The following PHC2 variants were observed in gnomAD, a reference collection of about 807,000 sequenced individuals.
PHC2 encodes polyhomeotic-like protein 2.
PHC2 carries 29 observed loss-of-function variants against 87.4 expected under a neutral mutation model. The ratio of observed to expected loss-of-function variants is 0.33; its 90% CI spans 0.25 to 0.45. PHC2 has a LOEUF of 0.45. Among genes scored for constraint, PHC2 ranks in the 20% least tolerant of loss-of-function variants. PHC2 has a pLI of 1.00. For synonymous variants in PHC2, 438 were observed against 461.7 expected (o/e 0.95, Z 0.66); for missense variants, 857 against 1,136.7 (o/e 0.75, Z 3.54).
At chr1:33,405,161 C>A (rs943493233) in intron 1 of PHC2, among the ~76,000 whole-genome samples, 2 of 151,316 alleles carry the variant, frequency 1.3e-5, no homozygotes, top group Non-Finnish European at 2.9e-5. Context: ...TCTCCTCAAT[C>A]AGTCTTTATA....
At chr1:33,357,435 T>C (rs1440280660) in intron 7 of PHC2, among the ~76,000 whole-genome samples, 1 of 152,134 alleles carries the variant, frequency 6.6e-6, no homozygotes. Flanking sequence ...AGAAATAAGA[T>C]GTGTTACAAA....
intron 9 of PHC2, among the ~76,000 whole-genome samples, chr1:33,339,039 G>C (rs1472906538): frequency 1.3e-5 from 2 of 152,144 alleles, no homozygotes; most frequent in Non-Finnish European, 2.9e-5. Flanking sequence ...ACAGGCTCTG[G>C]TACAAACAGC....
At chr1:33,420,298 C>G (rs1487219860) in intron 1 of PHC2, among the ~76,000 whole-genome samples, 1 of 152,178 alleles carries the variant, frequency 6.6e-6, no homozygotes, top group East Asian at 1.9e-4. Flanking sequence ...AAACTCAAAT[C>G]TATACAATTA....
rs546978523 is a variant in PHC2 at position 33,330,222 on chromosome 1, CAG to C, written c.2007-12_2007-11del. On this transcript the variant is annotated splice_polypyrimidine_tract_variant and intron_variant, in intron 12 of 14. Coordinates refer to ENST00000683057, the MANE Select transcript of PHC2 (RefSeq NM_001385109.1). ...GCATCCCACGTTGTACCTTCAGGGA[CAG>C]GGGAACAGGGGATGTCACAGTAGTC... 22 of 1,613,538 alleles carry C rather than the reference CAG, an allele frequency of 1.4e-5. No homozygotes were observed. The Admixed American group carries it at 1.8e-4, about 13-fold the overall frequency.
rs960152497 is a variant in PHC2 at position 33,368,347 on chromosome 1, A to C, written c.663+189T>G. Among the ~76,000 whole-genome samples, 3 of 152,212 alleles carry C rather than the reference A, an allele frequency of 2.0e-5. No individual in the cohort carries two copies. Among genetic ancestry groups the C allele is most frequent in the Non-Finnish European group, 4.4e-5 (3 of 68,042 alleles). ...CTCCTGACCTGTGTTTGAGGGAACGAAACAGAGCCAGGAGGGACTGAGGCC... is the reference window on the plus strand; with the variant it reads ...CTCCTGACCTGTGTTTGAGGGAACGCAACAGAGCCAGGAGGGACTGAGGCC... On this transcript the variant is annotated intron_variant, in intron 6 of 14. Coordinates refer to ENST00000683057, the MANE Select transcript of PHC2 (RefSeq NM_001385109.1). The surrounding 1 kb of genome is among the most constrained non-coding windows in gnomAD (Gnocchi z 6.6).
chr1:33,363,063 T>C (rs1212915030), intron 7 of PHC2: 1 of 131,838 alleles, frequency 7.6e-6, no homozygotes, highest in African/African-American at 3.3e-5. Context: ...TTATTACTAT[T>C]AGCCCACAGC....
At chr1:33,398,336 T>C (rs960949434) in intron 1 of PHC2, among the ~76,000 whole-genome samples, 2 of 152,238 alleles carry the variant, frequency 1.3e-5, no homozygotes, top group East Asian at 1.9e-4. Flanking sequence ...TTTTGTCTAA[T>C]AGGCTTCCCC....
At chr1:33,428,233 C>T (rs1034217826) in intron 1 of PHC2, among the ~76,000 whole-genome samples, 2 of 152,204 alleles carry the variant, frequency 1.3e-5, no homozygotes, top group Admixed American at 6.5e-5. Context: ...CACCACCACT[C>T]TCATTTTCCT....
At chr1:33,327,479 T>C (rs1570437876) in intron 14 of PHC2, among the ~76,000 whole-genome samples, 1 of 152,190 alleles carries the variant, frequency 6.6e-6, no homozygotes, top group Non-Finnish European at 1.5e-5. Context: ...ACTACATGGC[T>C]TGTCTCTGAA....
Position 33,351,411 on chromosome 1 carries a change from C to T in PHC2, c.1558+2990G>A, listed in dbSNP as rs111283216. Among the ~76,000 whole-genome samples, 1,458 of 152,330 alleles carry T rather than the reference C, an allele frequency of 9.6e-3. 35 individuals are homozygous for T. Among genetic ancestry groups the T allele is most frequent in the African/African-American group, 0.033 (1,384 of 41,556 alleles). ...CAACCTCTGCTCTAGAACAATGCCT[C>T]GTCCTCCCTGAAATCTATCCTGAAC... On this transcript the variant is annotated intron_variant, in intron 9 of 14. Transcript: ENST00000683057.
rs1477575941 is a variant in PHC2 at position 33,369,531 on chromosome 1, TGTCTAA to T, written c.576+884_576+889del. ...AGATGGAAGTCTATTTCATGCCTTG[TGTCTAA>T]GAGGCTGTTCCCTGGGGATAGAGAT... is the stretch of plus-strand genomic sequence containing the variant. On this transcript the variant is annotated intron_variant, in intron 5 of 14. Transcript: ENST00000683057. This position sits in a 1 kb window ranked among gnomAD's most constrained non-coding sequence, Gnocchi z 4.7. Among the ~76,000 whole-genome samples the T allele has an allele frequency of 2.6e-5, 4 of 152,140 alleles. No individual in the cohort carries two copies. The highest frequency in any genetic ancestry group is 5.9e-5 in the Non-Finnish European group (4 of 68,018).
intron 1 of PHC2, among the ~76,000 whole-genome samples, chr1:33,399,839 T>C (rs1649448332): frequency 6.6e-6 from 1 of 151,620 alleles, no homozygotes; most frequent in South Asian, 2.1e-4. Flanking sequence ...CTTTAAAATG[T>C]TTACAAAAAA....
At chr1:33,361,167 G>A (rs964213177) in intron 7 of PHC2, among the ~76,000 whole-genome samples, 1 of 152,194 alleles carries the variant, frequency 6.6e-6, no homozygotes, top group Non-Finnish European at 1.5e-5. Context: ...ATAACAGAGC[G>A]TCTGCATGAG....
chr1:33,387,111 C>T (rs1037560430), intron 1 of PHC2, among the ~76,000 whole-genome samples: 1 of 152,208 alleles, frequency 6.6e-6, no homozygotes, highest in African/African-American at 2.4e-5. Flanking sequence ...TTTTTACTGG[C>T]CTTCTTTTTC....
At chr1:33,385,012 A>G (rs1256448273) in intron 1 of PHC2, among the ~76,000 whole-genome samples, 1 of 152,248 alleles carries the variant, frequency 6.6e-6, no homozygotes, top group African/African-American at 2.4e-5. Flanking sequence ...ATTAGTAGCC[A>G]TTAGCACCTT....
intron 1 of PHC2, among the ~76,000 whole-genome samples, chr1:33,398,250 G>A (rs1017437823): frequency 1.1e-4 from 16 of 152,166 alleles, no homozygotes; most frequent in African/African-American, 3.6e-4. Flanking sequence ...CATTTTAAAT[G>A]ACATTAAGTA....
intron 1 of PHC2, among the ~76,000 whole-genome samples, chr1:33,388,576 C>T (rs777028106): frequency 3.5e-4 from 53 of 151,980 alleles, no homozygotes; most frequent in South Asian, 6.2e-4. Flanking sequence ...CTGCCCACCT[C>T]GGCCTCCCAA....
chr1:33,406,411 T>TTG (rs930277210), intron 1 of PHC2, among the ~76,000 whole-genome samples: 2 of 152,010 alleles, frequency 1.3e-5, no homozygotes, highest in Admixed American at 1.3e-4. Flanking sequence ...ACGTAATTCC[T>TTG]TGTGTGTGTG....
Position 33,371,030 on chromosome 1 carries a change from G to A in PHC2, c.398C>T (p.Ala133Val). Residue 133 changes from alanine (A) to valine (V), a missense_variant, in exon 4 of 15, where the codon GCC becomes GTC. By Grantham distance (64) the Ala-to-Val change is moderately conservative. This residue lies in a region of PHC2 where 832 missense variants were observed against 1,081.8 expected (regional missense o/e 0.77). Transcript: ENST00000683057. The part of the protein sequence containing the change: ...SGSNVSAQAP[A>V]QSSSINLAAS... ...CATTCTACTCACCGAAGATGACTGG[G>A]CCGGGGCCTGCGCAGACACATTGCT... 6.2e-7 allele frequency: 1 copy of A among 1,613,874 alleles called. No homozygotes were observed. The highest frequency in any genetic ancestry group is 8.5e-7 in the Non-Finnish European group (1 of 1,179,790).
Sources: gnomAD v4.1 joint callset for allele counts (sites outside exome capture counted in the v4.1 genomes callset) on GRCh38, gnomAD v4.1.1 for gene constraint, gnomAD v4.1.1 regional missense constraint, Gnocchi (gnomAD v3.1) non-coding constraint, MANE v1.5 for transcripts, NCBI Gene and HGNC (gene_info 2026-07-23, HGNC 2026-07-21) for gene names.